The following NR3C2 variants were observed in gnomAD, a reference collection of about 807,000 sequenced individuals.
NR3C2 encodes the protein nuclear receptor subfamily 3 group C member 2, also known as mineralocorticoid receptor.
NR3C2 carries 15 observed loss-of-function variants against 86.4 expected under a neutral mutation model. That is an observed-to-expected ratio of 0.17 (90% CI 0.12 to 0.27). The LOEUF (loss-of-function observed/expected upper bound fraction) is 0.27, where lower values mean the gene tolerates loss of function less well. Ranked by LOEUF, NR3C2 falls within the 10% of genes least tolerant of loss-of-function variation. NR3C2 has a pLI of 1.00. For synonymous variants in NR3C2, 458 were observed against 450.5 expected, an observed-to-expected ratio of 1.02 and a Z score of -0.21; for missense variants, 960 against 1,195.6, an observed-to-expected ratio of 0.80 and a Z score of 2.91.
At chr4:148,316,584 C>G (rs987970706) in intron 2 of NR3C2, among the ~76,000 whole-genome samples, 6 of 152,078 alleles carry the variant, frequency 3.9e-5, no homozygotes, top group African/African-American at 2.4e-5. Flanking sequence ...ATCTGAAATG[C>G]TCTCTTTGCA....
At chr4:148,108,519 T>C (rs897510207) in intron 8 of NR3C2, among the ~76,000 whole-genome samples, 4 of 152,210 alleles carry the variant, frequency 2.6e-5, no homozygotes, top group Non-Finnish European at 5.9e-5. Context: ...CTTGCCCCTC[T>C]TGGAGCAGGG....
At chr4:148,118,214 C>T (rs1732357519) in intron 7 of NR3C2, among the ~76,000 whole-genome samples, 2 of 152,192 alleles carry the variant, frequency 1.3e-5, no homozygotes, top group Admixed American at 6.5e-5. Flanking sequence ...TAACTTCTCT[C>T]CTCCCATACT....
intron 3 of NR3C2, among the ~76,000 whole-genome samples, chr4:148,221,702 G>C (rs566938388): frequency 2.2e-4 from 33 of 152,118 alleles, no homozygotes; most frequent in African/African-American, 8.0e-4. Context: ...AGACCAGCCT[G>C]GCCAACATGG....
At chr4:148,262,158 C>T (rs1460421224) in intron 2 of NR3C2, among the ~76,000 whole-genome samples, 2 of 152,190 alleles carry the variant, frequency 1.3e-5, no homozygotes, top group Non-Finnish European at 2.9e-5. Flanking sequence ...TAGAATATAA[C>T]TTAAAATCAT....
intron 2 of NR3C2, among the ~76,000 whole-genome samples, chr4:148,269,617 T>C (rs1740570756): frequency 6.6e-6 from 1 of 151,958 alleles, no homozygotes; most frequent in Admixed American, 6.6e-5. Context: ...TGACTATATC[T>C]ATGTACAAAA....
intron 2 of NR3C2, among the ~76,000 whole-genome samples, chr4:148,352,140 G>A (rs185826098): frequency 2.0e-5 from 3 of 152,108 alleles, no homozygotes; most frequent in Non-Finnish European, 4.4e-5. Flanking sequence ...TGTATTTTGC[G>A]ACATAAGTCC....
chr4:148,316,788 T>G (rs1372000169), intron 2 of NR3C2, among the ~76,000 whole-genome samples: 2 of 152,068 alleles, frequency 1.3e-5, no homozygotes, highest in Admixed American at 1.3e-4. Flanking sequence ...TTTTTCTTTT[T>G]TGTTGTTGTT....
chr4:148,099,410 G>T (rs1467130821), intron 8 of NR3C2, among the ~76,000 whole-genome samples: 1 of 152,078 alleles, frequency 6.6e-6, no homozygotes, highest in Non-Finnish European at 1.5e-5. Context: ...CCACCTGATG[G>T]CTCCCTCAGG....
chr4:148,091,580 T>A (rs6535579), intron 8 of NR3C2, among the ~76,000 whole-genome samples: 1 of 152,086 alleles, frequency 6.6e-6, no homozygotes, highest in Admixed American at 6.5e-5. Context: ...CCAGAATAGA[T>A]ACTGGTTCCT....
At chr4:148,228,366 T>C (rs917985615) in intron 3 of NR3C2, among the ~76,000 whole-genome samples, 2 of 152,222 alleles carry the variant, frequency 1.3e-5, no homozygotes, top group African/African-American at 4.8e-5. Context: ...TCTTATTCTT[T>C]TATAAAGCTG....
chr4:148,170,273 G>T (rs566853002), intron 4 of NR3C2, among the ~76,000 whole-genome samples: 1 of 152,176 alleles, frequency 6.6e-6, no homozygotes, highest in Non-Finnish European at 1.5e-5. Flanking sequence ...TACTAAGGAA[G>T]TTGTTAAAGC....
chr4:148,145,255 T>C (rs562597510), intron 6 of NR3C2, among the ~76,000 whole-genome samples: 1 of 152,236 alleles, frequency 6.6e-6, no homozygotes, highest in African/African-American at 2.4e-5. Flanking sequence ...ACACCTTAAG[T>C]GAGCATGCAT....
At chr4:148,129,866 G>A (rs1263153098) in intron 6 of NR3C2, among the ~76,000 whole-genome samples, 1 of 152,196 alleles carries the variant, frequency 6.6e-6, no homozygotes, top group East Asian at 1.9e-4. Context: ...CCAAAGTGCT[G>A]AGATTACAAG....
At chr4:148,187,877 A>C (rs185435495) in intron 4 of NR3C2, among the ~76,000 whole-genome samples, 2 of 152,322 alleles carry the variant, frequency 1.3e-5, no homozygotes, top group Admixed American at 1.3e-4. Flanking sequence ...TCCTTAATCC[A>C]TCTTGAGTTG....
At chr4:148,097,741 G>GTTTTT (rs1180902227) in intron 8 of NR3C2, among the ~76,000 whole-genome samples, 1,254 of 107,346 alleles carry the variant, frequency 0.012, 87 homozygotes, top group Non-Finnish European at 0.015. Flanking sequence ...ACTTTTTTGC[G>GTTTTT]TTTTTTTTTG....
chr4:148,351,436 T>C (rs1327324561), intron 2 of NR3C2, among the ~76,000 whole-genome samples: 1 of 152,102 alleles, frequency 6.6e-6, no homozygotes, highest in East Asian at 1.9e-4. Context: ...AGCCACCGCA[T>C]CCAGCCTAAT....
At chr4:148,321,020 T>C (rs1398068643) in intron 2 of NR3C2, among the ~76,000 whole-genome samples, 4 of 151,086 alleles carry the variant, frequency 2.6e-5, no homozygotes, top group Non-Finnish European at 5.9e-5. Context: ...CATTTAGTGC[T>C]ATAAATCTCC....
chr4:148,144,532 T>G (rs557383352), intron 6 of NR3C2, among the ~76,000 whole-genome samples: 1 of 152,214 alleles, frequency 6.6e-6, no homozygotes, highest in South Asian at 2.1e-4. Flanking sequence ...CTTACCACTA[T>G]GATAGATTGA....
At chr4:148,389,286 C>T (rs981587837) in intron 2 of NR3C2, among the ~76,000 whole-genome samples, 1 of 152,150 alleles carries the variant, frequency 6.6e-6, no homozygotes, top group Admixed American at 6.5e-5. Context: ...GGACTCACTG[C>T]AGAGAGAACT....
Sources: gnomAD v4.1 joint callset for allele counts (sites outside exome capture counted in the v4.1 genomes callset) on GRCh38, gnomAD v4.1.1 for gene constraint, MANE v1.5 for transcripts, NCBI Gene and HGNC (gene_info 2026-07-23, HGNC 2026-07-21) for gene names.